OSMR: variants seen among roughly 807,000 people sequenced by gnomAD.
OSMR encodes the protein oncostatin M receptor.
In OSMR, 81 loss-of-function variants were observed where a neutral mutation model predicts 99.9. That is an observed-to-expected ratio of 0.81 (90% CI 0.68 to 0.97). OSMR has a LOEUF of 0.97. Among genes scored for constraint, OSMR ranks in the 50% least tolerant of loss-of-function variants. The pLI, the probability that OSMR is intolerant of heterozygous loss-of-function variation, is 0.00. For missense variants in OSMR, 1,099 were observed against 1,153.4 expected, an observed-to-expected ratio of 0.95 and a Z score of 0.68; for synonymous variants, 406 against 410.4, an observed-to-expected ratio of 0.99 and a Z score of 0.13.
chr5:38,927,420 G>A lies in OSMR; in HGVS notation c.2212+2049G>A, dbSNP rs141013393. Among the ~76,000 whole-genome samples the A allele has an allele frequency of 1.4e-3, 209 of 152,292 alleles. 2 individuals carry two copies. Among genetic ancestry groups the A allele is most frequent in the Middle Eastern group, 0.01 (3 of 294 alleles). ...TCCATATGTCCTCTGAAATCTAGGC[G>A]GAGGTTCCCAAACCTCAATTCTTGA... On this transcript the variant is annotated intron_variant, in intron 15 of 17. Transcript: ENST00000274276.
intron 2 of OSMR, among the ~76,000 whole-genome samples, chr5:38,874,516 TG>T (rs1386195144): frequency 6.6e-6 from 1 of 152,222 alleles, no homozygotes; most frequent in Non-Finnish European, 1.5e-5. Flanking sequence ...CTTTCTACTA[TG>T]TGGACCAATC....
At chr5:38,885,894 A>G in intron 6 of OSMR, 145 bp from the exon 7 acceptor site, 3 of 1,454,812 alleles carry the variant, frequency 2.1e-6, no homozygotes, top group African/African-American at 1.4e-5. Flanking sequence ...CGTTATTGGT[A>G]TTTGTTGGTG....
intron 1 of OSMR, among the ~76,000 whole-genome samples, chr5:38,849,493 ACT>A (rs1460628530): frequency 1.3e-5 from 2 of 149,686 alleles, no homozygotes; most frequent in African/African-American, 4.9e-5. Context: ...AACCAATATT[ACT>A]CTGAGTTAAC....
At chr5:38,881,913 G>T (rs1743320877) in intron 4 of OSMR, 149 bp downstream of exon 4, 1 of 693,686 alleles carries the variant, frequency 1.4e-6, no homozygotes, top group Non-Finnish European at 2.5e-6. Context: ...AAAAAACACA[G>T]GTGTGAAACT....
At chr5:38,912,959 C>G (rs1447723394) in intron 9 of OSMR, among the ~76,000 whole-genome samples, 3 of 152,098 alleles carry the variant, frequency 2.0e-5, no homozygotes, top group Non-Finnish European at 4.4e-5. Flanking sequence ...TGTAAGACCT[C>G]AAACTATAGG....
chr5:38,932,023 A>C (rs546750122), intron 16 of OSMR, 59 bp downstream of exon 16: 77 of 1,225,276 alleles, frequency 6.3e-5, no homozygotes, highest in Admixed American at 4.4e-4. Context: ...CTGGAAAGAG[A>C]TTTAGTAAGA....
rs962686484 is a variant in OSMR, at chr5:38,933,315, A to G, written c.2811A>G (p.Val937=). Residue 937 remains valine (V), a synonymous_variant, in exon 18 of 18, where the codon GTA becomes GTG. Coordinates refer to ENST00000274276, the MANE Select transcript of OSMR (RefSeq NM_003999.3). ...AGGACAGTCTCCCAACAAACCCAGT[A>G]GAGGCACCACACTGTTCAGAGTATA... is the stretch of plus-strand genomic sequence containing the variant. ...GDKDSLPTNP[V]EAPHCSEYKM... 7 of 1,614,218 alleles carry G rather than the reference A, an allele frequency of 4.3e-6. No homozygotes were observed. Among genetic ancestry groups the G allele is most frequent in the South Asian group, 1.1e-5 (1 of 91,086 alleles).
intron 2 of OSMR, among the ~76,000 whole-genome samples, chr5:38,870,154 C>A (rs530105675): frequency 6.6e-6 from 1 of 152,154 alleles, no homozygotes; most frequent in South Asian, 2.1e-4. Flanking sequence ...CTGTTTCTTT[C>A]AGCATCTTAA....
intron 9 of OSMR, among the ~76,000 whole-genome samples, chr5:38,907,233 T>A (rs1382297077): frequency 6.6e-6 from 1 of 152,176 alleles, no homozygotes; most frequent in Non-Finnish European, 1.5e-5. Flanking sequence ...CCACACTCGT[T>A]CTTGGCCCCC....
At chr5:38,896,501 C>A (rs1744527718) in intron 7 of OSMR, among the ~76,000 whole-genome samples, 1 of 151,936 alleles carries the variant, frequency 6.6e-6, no homozygotes, top group African/African-American at 2.4e-5. Context: ...GATTCTGTAT[C>A]CTGCAACTTT....
Position 38,876,116 on chromosome 5 carries a change from T to C in OSMR, c.74-85T>C, listed in dbSNP as rs897670834. 1.9e-6 allele frequency: 3 copies of C among 1,566,778 alleles called. No homozygotes were observed. The Admixed American group carries it at 5.3e-5, about 28-fold the overall frequency. On this transcript the variant is annotated intron_variant, in intron 2 of 17. Transcript: ENST00000274276. ...AGCAATATTTTCCAGAGCTAAATAA[T>C]GATGATATTCAAGTTTAATTATTTC... is the stretch of plus-strand genomic sequence containing the variant.
chr5:38,848,172 G>A (rs191265603), intron 1 of OSMR, among the ~76,000 whole-genome samples: 185 of 152,336 alleles, frequency 1.2e-3, no homozygotes, highest in African/African-American at 4.1e-3. Flanking sequence ...CTTAGTGAGT[G>A]TGGTCTTGCT....
At chr5:38,940,013 C>T (rs909689314), downstream of OSMR, 12 of 195,482 alleles carry the variant, frequency 6.1e-5, no homozygotes, top group East Asian at 7.6e-4. Flanking sequence ...TAAATTTAAG[C>T]GTAGACTTTT....
chr5:38,899,185 C>T lies in OSMR; in HGVS notation c.992-4697C>T, dbSNP rs1441374103. 5.3e-5 allele frequency among the ~76,000 whole-genome samples: 8 copies of T among 152,158 alleles called. No homozygotes were observed. The South Asian group carries it at 1.5e-3, about 28-fold the overall frequency. On this transcript the variant is annotated intron_variant, in intron 7 of 17. Transcript: ENST00000274276. ...ATGTTGGCCAGGCTGGTCTCAAATT[C>T]CCAACCTTGTGATCCACCCACCTCG...
chr5:38,857,238 C>T (rs552909009), intron 1 of OSMR, among the ~76,000 whole-genome samples: 9 of 152,308 alleles, frequency 5.9e-5, no homozygotes, highest in African/African-American at 1.9e-4. Flanking sequence ...GCACATCATT[C>T]TCTGAATCAT....
chr5:38,916,624 C>T (rs1326605892), intron 9 of OSMR, among the ~76,000 whole-genome samples: 2 of 152,066 alleles, frequency 1.3e-5, no homozygotes, highest in East Asian at 1.9e-4. Flanking sequence ...TACATAGGTA[C>T]CCAGAGTTGG....
Position 38,933,257 on chromosome 5 carries a change from T to A in OSMR, c.2753T>A (p.Val918Glu), listed in dbSNP as rs558866079. The A allele has an allele frequency of 1.2e-6, 2 of 1,614,180 alleles. No homozygotes were observed. Among genetic ancestry groups the A allele is most frequent in the African/African-American group, 2.7e-5 (2 of 75,054 alleles). Residue 918 changes from valine to glutamate, a missense_variant, in exon 18 of 18, where the codon GTG becomes GAG. Val to Glu is a moderately radical substitution (Grantham distance 121). Transcript: ENST00000274276. ...GCTGGAGAAACAAGTTTGAATTATGTGTCCCAGTTGGCTTCACCCATGTTT... is the reference window on the plus strand; with the variant it reads ...GCTGGAGAAACAAGTTTGAATTATGAGTCCCAGTTGGCTTCACCCATGTTT... The part of the protein sequence containing the change: ...IPAGETSLNY[V>E]SQLASPMFGD...
chr5:38,864,371 A>T (rs1741762972), intron 1 of OSMR, among the ~76,000 whole-genome samples: 1 of 152,040 alleles, frequency 6.6e-6, no homozygotes, highest in Middle Eastern at 3.4e-3. Flanking sequence ...ACGTGTTTTC[A>T]TGATGGTAGA....
chr5:38,932,942 C>T lies in OSMR; in HGVS notation c.2438C>T (p.Pro813Leu), dbSNP rs1452149755. 2.0e-5 allele frequency: 33 copies of T among 1,614,004 alleles called. No individual in the cohort carries two copies. The highest frequency in any genetic ancestry group is 2.5e-5 in the Non-Finnish European group (30 of 1,180,014). ...IPDAIEVVSK[P>L]EGTKIQFLGT... ...GATGCTATTGAAGTTGTAAGCAAGC[C>T]AGAAGGGACAAAGATACAGTTCCTA... Residue 813 changes from proline to leucine, a missense_variant, in exon 18 of 18, where the codon CCA (proline) becomes CTA (leucine). Physicochemically the swap from Pro to Leu is moderately conservative, Grantham distance 98 (BLOSUM62 -3). Coordinates refer to ENST00000274276, the MANE Select transcript of OSMR (RefSeq NM_003999.3).
Sources: gnomAD v4.1 joint callset for allele counts (sites outside exome capture counted in the v4.1 genomes callset) on GRCh38, gnomAD v4.1.1 for gene constraint, MANE v1.5 for transcripts, NCBI Gene and HGNC (gene_info 2026-07-23, HGNC 2026-07-21) for gene names.